The following TNKS2 variants were observed in gnomAD, a reference collection of about 807,000 sequenced individuals.
TNKS2 encodes poly [ADP-ribose] polymerase tankyrase-2.
A neutral mutation model predicts 137.6 loss-of-function variants in TNKS2; 72 were observed. The observed-to-expected ratio is 0.52, with a 90% CI of 0.43 to 0.64. The LOEUF (loss-of-function observed/expected upper bound fraction) is 0.64. Ranked by LOEUF, TNKS2 falls within the 30% of genes least tolerant of loss-of-function variation. The pLI is 0.00. For missense variants in TNKS2, 1,049 were observed against 1,410.2 expected, an observed-to-expected ratio of 0.74 and a Z score of 4.10; for synonymous variants, 516 against 512.1, an observed-to-expected ratio of 1.01 and a Z score of -0.10.
chr10:91,808,678 A>G (rs1021391862), intron 1 of TNKS2, among the ~76,000 whole-genome samples: 21 of 152,186 alleles, frequency 1.4e-4, no homozygotes, highest in African/African-American at 4.6e-4. Context: ...AGAAGGAAAT[A>G]TGTTAAGCAA....
At chr10:91,859,885 G>T (rs144919841) in intron 25 of TNKS2, among the ~76,000 whole-genome samples, 1 of 152,210 alleles carries the variant, frequency 6.6e-6, no homozygotes, top group East Asian at 1.9e-4. Context: ...AGAATATCTG[G>T]TGCCTTAAAG....
chr10:91,863,131 C>T lies in TNKS2; in HGVS notation c.*132C>T, dbSNP rs1374882233. The T allele has an allele frequency of 1.5e-5, 9 of 587,164 alleles. No homozygotes were observed. Among genetic ancestry groups the T allele is most frequent in the South Asian group, 2.5e-5 (1 of 40,252 alleles). 36.4% of individuals were successfully genotyped at this position (587,164 alleles called of 1,614,324 possible). A position where few individuals can be genotyped will look rare whatever the true frequency, so the allele number is the denominator to read the frequency against. ...TGTGGCAAAAGGATAAAAATGTGAA[C>T]GAAGTTTAACATTCTGACTTGATAA... On this transcript the variant is annotated 3_prime_UTR_variant, in exon 27 of 27. Transcript: ENST00000371627.
intron 22 of TNKS2, among the ~76,000 whole-genome samples, chr10:91,855,399 G>C (rs971965054): frequency 6.6e-6 from 1 of 152,012 alleles, no homozygotes; most frequent in Admixed American, 6.6e-5. Flanking sequence ...TGTTGCCCAG[G>C]CTGGTCTTGA....
At chr10:91,827,971 GTCTAGGAAGAT>G (rs1845117868) in intron 8 of TNKS2, among the ~76,000 whole-genome samples, 1 of 152,026 alleles carries the variant, frequency 6.6e-6, no homozygotes, top group Non-Finnish European at 1.5e-5. Flanking sequence ...AACCTCTCCA[GTCTAGGAAGAT>G]ATTGTAGTAC....
intron 1 of TNKS2, among the ~76,000 whole-genome samples, chr10:91,803,027 A>T (rs1041217435): frequency 1.3e-5 from 2 of 152,184 alleles, no homozygotes; most frequent in Admixed American, 1.3e-4. Context: ...TACTCCTTTC[A>T]GTGTACCCCC....
intron 14 of TNKS2, among the ~76,000 whole-genome samples, 164 bp downstream of exon 14, chr10:91,840,870 T>A (rs546609051): frequency 7.2e-4 from 110 of 152,360 alleles, no homozygotes; most frequent in Non-Finnish European, 1.4e-3. Flanking sequence ...TTTATATGGT[T>A]AGCATTCATA....
intron 2 of TNKS2, among the ~76,000 whole-genome samples, chr10:91,813,633 A>G (rs946523327): frequency 6.6e-6 from 1 of 152,196 alleles, no homozygotes; most frequent in African/African-American, 2.4e-5. Context: ...AAAAAGCTTT[A>G]AATACCAGGT....
At chr10:91,807,105 C>T in intron 1 of TNKS2, 1 of 1,454,568 alleles carries the variant, frequency 6.9e-7, no homozygotes, top group Non-Finnish European at 9.5e-7. Flanking sequence ...AAAGTACTTT[C>T]TGTCCCAACA....
rs1292011975 is a variant in TNKS2, at chr10:91,812,054, G to A, written c.200-929G>A. ...AGCCTGGGCGACAGAGCGACACTCC[G>A]TCTCAAAAAAAAAAAAAAAAAGAAT... is the stretch of plus-strand genomic sequence containing the variant. On this transcript the variant is annotated intron_variant, in intron 1 of 26. Transcript: ENST00000371627. Among the ~76,000 whole-genome samples, 7 of 108,634 alleles carry A rather than the reference G, an allele frequency of 6.4e-5. No homozygotes were observed. The South Asian group carries it at 2.4e-3, about 38-fold the overall frequency. The allele number at this position is 108,634 out of a possible 152,430, so 71.3% of individuals were successfully genotyped here.
At chr10:91,826,537 T>C (rs1482830980) in intron 7 of TNKS2, among the ~76,000 whole-genome samples, 3 of 152,220 alleles carry the variant, frequency 2.0e-5, no homozygotes, top group Non-Finnish European at 4.4e-5. Flanking sequence ...TCTTCTATTT[T>C]TATGAAATTG....
chr10:91,812,677 A>T (rs574312416), intron 1 of TNKS2: 1 of 653,072 alleles, frequency 1.5e-6, no homozygotes, highest in Non-Finnish European at 1.9e-6. Context: ...ACTCTATTGT[A>T]GAGTGAGAAA....
At chr10:91,836,777 C>T in intron 12 of TNKS2, 142 bp from the exon 13 acceptor site, 2 of 1,382,202 alleles carry the variant, frequency 1.4e-6, no homozygotes, top group East Asian at 5.4e-5. Context: ...CAACCCTCAC[C>T]CCCCTTACTA....
At chr10:91,843,200 G>A (rs2133657170) in intron 16 of TNKS2, among the ~76,000 whole-genome samples, 1 of 152,278 alleles carries the variant, frequency 6.6e-6, no homozygotes, top group South Asian at 2.1e-4. Context: ...CCAAAGACCA[G>A]GTGGCTTAAA....
intron 8 of TNKS2, among the ~76,000 whole-genome samples, chr10:91,828,032 A>G (rs12242720): frequency 0.06 from 9,076 of 152,200 alleles, 884 homozygotes; most frequent in African/African-American, 0.21. Context: ...AAAACAGACC[A>G]TGAATCTGCC....
At chr10:91,842,955 A>T (rs1842259607) in intron 16 of TNKS2, among the ~76,000 whole-genome samples, 3 of 152,180 alleles carry the variant, frequency 2.0e-5, no homozygotes. Flanking sequence ...GTGCTTTGGG[A>T]ATCATTATTC....
chr10:91,860,419 T>G (rs1330845753), intron 25 of TNKS2, among the ~76,000 whole-genome samples: 1 of 152,196 alleles, frequency 6.6e-6, no homozygotes, highest in Non-Finnish European at 1.5e-5. Context: ...CTCCACCTTC[T>G]CAGTTGCTGA....
chr10:91,801,463 A>G (rs1844164875), intron 1 of TNKS2, among the ~76,000 whole-genome samples: 1 of 148,154 alleles, frequency 6.7e-6, no homozygotes. Context: ...GCAGATATAC[A>G]CAAGACAGGA....
chr10:91,823,152 T>C (rs1293044794), intron 7 of TNKS2, among the ~76,000 whole-genome samples: 2 of 151,992 alleles, frequency 1.3e-5, no homozygotes, highest in Admixed American at 6.6e-5. Context: ...TAGTGAATCA[T>C]ATTTTGTTAA....
chr10:91,839,125 C>G (rs942222263), intron 13 of TNKS2, among the ~76,000 whole-genome samples: 2 of 152,128 alleles, frequency 1.3e-5, no homozygotes, highest in Non-Finnish European at 2.9e-5. Flanking sequence ...CCTGGCCTCC[C>G]AACGTGCTGG....
Sources: allele counts gnomAD v4.1 joint callset (sites outside exome capture counted in the v4.1 genomes callset), GRCh38; gene constraint gnomAD v4.1.1; transcripts MANE v1.5; gene names NCBI Gene and HGNC (gene_info 2026-07-23, HGNC 2026-07-21).